The following PRKAR1B variants were observed in gnomAD, a reference collection of about 807,000 sequenced individuals.
The protein encoded by PRKAR1B is cAMP-dependent protein kinase type I-beta regulatory subunit.
PRKAR1B carries 22 observed loss-of-function variants against 46.5 expected under a neutral mutation model. The observed-to-expected ratio is 0.47, with a 90% CI of 0.34 to 0.68. The LOEUF (loss-of-function observed/expected upper bound fraction) is 0.68. PRKAR1B is among the 30% of genes least tolerant of loss of function. The pLI, the probability that PRKAR1B is intolerant of heterozygous loss-of-function variation, is 0.01. For missense variants in PRKAR1B, 445 were observed against 535.6 expected (o/e 0.83, Z 1.67); for synonymous variants, 259 against 217.7 (o/e 1.19, Z -1.67).
In PRKAR1B at chr7:678,472, G is replaced by A. The variant is rs945793438; in HGVS notation, c.349-1152C>T. The stretch of plus-strand genomic sequence containing the variant: ...CAAAACCCATTCCTCCCGTCTGTCT[G>A]TCTGTCTGTCTGAAACTCTGCACCC... On this transcript the variant is annotated intron_variant, in intron 3 of 10. Transcript: ENST00000537384. Among the ~76,000 whole-genome samples the A allele has an allele frequency of 2.6e-5, 4 of 152,356 alleles. No individual in the cohort carries two copies. The South Asian group carries it at 8.3e-4, about 32-fold the overall frequency.
At chr7:622,568 G>A (rs1783168328) in intron 4 of PRKAR1B, among the ~76,000 whole-genome samples, 1 of 152,030 alleles carries the variant, frequency 6.6e-6, no homozygotes, top group African/African-American at 2.4e-5. Context: ...TCTCTATTTT[G>A]AAAATCTTTG....
chr7:668,457 G>A (rs1365914426), intron 4 of PRKAR1B, among the ~76,000 whole-genome samples: 1 of 152,204 alleles, frequency 6.6e-6, no homozygotes, highest in East Asian at 1.9e-4. Context: ...GCCAGAAAAA[G>A]GAGCCCACTG....
intron 1 of PRKAR1B, chr7:716,992 A>G (rs1343183925): frequency 6.6e-6 from 1 of 152,206 alleles, no homozygotes; most frequent in African/African-American, 2.4e-5. Flanking sequence ...AACCGTGAAC[A>G]GTAATAATTA....
intron 7 of PRKAR1B, among the ~76,000 whole-genome samples, chr7:588,186 C>T (rs1780707972): frequency 6.6e-6 from 1 of 152,212 alleles, no homozygotes. Context: ...TTGAGCCCAA[C>T]TTCCATGATG....
chr7:724,248 G>A (rs1781172481), intron 1 of PRKAR1B, among the ~76,000 whole-genome samples: 1 of 152,104 alleles, frequency 6.6e-6, no homozygotes, highest in African/African-American at 2.4e-5. Flanking sequence ...ACATGGTTTG[G>A]CTGTGTCCCC....
intron 8 of PRKAR1B, among the ~76,000 whole-genome samples, chr7:582,286 C>A (rs969423527): frequency 6.6e-5 from 10 of 152,266 alleles, no homozygotes; most frequent in African/African-American, 2.4e-4. Context: ...CAGGAGAAAG[C>A]GGGGTCCCAG....
At chr7:579,471 C>T in intron 8 of PRKAR1B, 94 bp from the exon 9 acceptor site, 5 of 1,513,136 alleles carry the variant, frequency 3.3e-6, no homozygotes, top group Non-Finnish European at 4.5e-6. Flanking sequence ...GAAAGGTGTC[C>T]TCAGAAGCAA....
intron 9 of PRKAR1B, among the ~76,000 whole-genome samples, chr7:556,397 T>C (rs1778435756): frequency 6.6e-6 from 1 of 150,432 alleles, no homozygotes; most frequent in Admixed American, 6.7e-5. Flanking sequence ...TTGCCTGATG[T>C]GAATGCAACC....
intron 4 of PRKAR1B, among the ~76,000 whole-genome samples, chr7:641,746 CTATT>C (rs1784399117): frequency 6.6e-6 from 1 of 152,116 alleles, no homozygotes; most frequent in Admixed American, 6.5e-5. Flanking sequence ...TTGAACGACT[CTATT>C]TATGTGTTTA....
chr7:650,452 G>A (rs1028762793), intron 4 of PRKAR1B, among the ~76,000 whole-genome samples: 4 of 144,098 alleles, frequency 2.8e-5, no homozygotes, highest in African/African-American at 7.6e-5. Context: ...CCTTCACACC[G>A]GCTGCACCTC....
In PRKAR1B at chr7:637,942, C is replaced by T. The variant is rs138361504; in HGVS notation, c.441-30490G>A. Among the ~76,000 whole-genome samples the T allele has an allele frequency of 1.5e-3, 231 of 152,360 alleles. 1 individual carries two copies. The highest frequency in any genetic ancestry group is 5.1e-3 in the African/African-American group (211 of 41,586). On this transcript the variant is annotated intron_variant, in intron 4 of 10. Transcript: ENST00000537384. ...TGCATGGGGGGCAGCTCCGTGTGGA[C>T]GCCCAGATTGTCTTCTGCAGCCTCT...
intron 4 of PRKAR1B, among the ~76,000 whole-genome samples, chr7:662,753 A>C (rs947127722): frequency 6.6e-6 from 1 of 152,110 alleles, no homozygotes; most frequent in Non-Finnish European, 1.5e-5. Flanking sequence ...GCTCCCCTCC[A>C]GTCCCACGGG....
intron 4 of PRKAR1B, among the ~76,000 whole-genome samples, chr7:655,252 C>T (rs1392829509): frequency 3.9e-5 from 6 of 152,206 alleles, no homozygotes; most frequent in Admixed American, 3.9e-4. Context: ...GAATGCCCTA[C>T]AAGATCTGGC....
rs538716897 is a variant in PRKAR1B at position 606,472 on chromosome 7, TTTTG to T, written c.503-237_503-234del. 2.0e-3 allele frequency among the ~76,000 whole-genome samples: 308 copies of T among 152,268 alleles called. 3 individuals are homozygous for T. The highest frequency in any genetic ancestry group is 6.8e-3 in the Middle Eastern group (2 of 294). On this transcript the variant is annotated intron_variant, in intron 5 of 10. Transcript: ENST00000537384. The stretch of plus-strand genomic sequence containing the variant: ...TCTAAACAATGAGAGGTGTTTTTCT[TTTTG>T]TTTGTTTTTTGTTTTTTTTGAGACG...
intron 2 of PRKAR1B, among the ~76,000 whole-genome samples, chr7:682,932 G>A (rs1403971941): frequency 6.6e-6 from 1 of 152,080 alleles, no homozygotes; most frequent in Non-Finnish European, 1.5e-5. Context: ...CAAGGCCCTC[G>A]CTCTCCCTCC....
intron 9 of PRKAR1B, among the ~76,000 whole-genome samples, chr7:552,740 T>C (rs1784326332): frequency 6.6e-6 from 1 of 152,300 alleles, no homozygotes; most frequent in African/African-American, 2.4e-5. Flanking sequence ...GGACCTTCCC[T>C]GGGGGTCGGT....
rs756968294 is a variant in PRKAR1B, at chr7:726,941, C to A, written c.-23+269G>T. 79 of 1,339,078 alleles carry A rather than the reference C, an allele frequency of 5.9e-5. No individual in the cohort carries two copies. In the African/African-American group the frequency reaches 1.0e-3, roughly 17 times the overall value. The allele number at this position is 1,339,078 out of a possible 1,614,324, so 82.9% of individuals were successfully genotyped here. Reference sequence around the variant, plus strand: ...CCCACCGCTTTCCAGGGCCCCTGGGCGCGCCTACTGCTGCCGCGCTTGCTG... The same window carrying A: ...CCCACCGCTTTCCAGGGCCCCTGGGAGCGCCTACTGCTGCCGCGCTTGCTG... On this transcript the variant is annotated intron_variant, in intron 1 of 10. Transcript: ENST00000537384.
At chr7:629,999 G>A (rs1236140205) in intron 4 of PRKAR1B, among the ~76,000 whole-genome samples, 2 of 139,572 alleles carry the variant, frequency 1.4e-5, no homozygotes, top group Non-Finnish European at 1.6e-5. Flanking sequence ...CAGGAGCGGG[G>A]CCACGGCCTC....
intron 9 of PRKAR1B, among the ~76,000 whole-genome samples, chr7:576,953 C>T: frequency 6.6e-6 from 1 of 152,212 alleles, no homozygotes; most frequent in East Asian, 1.9e-4. Context: ...TGGTGAGCAT[C>T]TTCCAACGCC....
Sources: allele counts gnomAD v4.1 joint callset (sites outside exome capture counted in the v4.1 genomes callset), GRCh38; gene constraint gnomAD v4.1.1; transcripts MANE v1.5; gene names NCBI Gene and HGNC (gene_info 2026-07-23, HGNC 2026-07-21).